BMP5: variants seen among roughly 807,000 people sequenced by gnomAD.
The protein encoded by BMP5 is bone morphogenetic protein 5.
In BMP5, 23 loss-of-function variants were observed where a neutral mutation model predicts 46.6. The observed-to-expected ratio is 0.49, with a 90% confidence interval of 0.35 to 0.70. The LOEUF (loss-of-function observed/expected upper bound fraction) is 0.70. Among genes scored for constraint, BMP5 ranks in the 30% least tolerant of loss-of-function variants. The pLI is 0.00. For synonymous variants in BMP5, 204 were observed against 191.9 expected, an observed-to-expected ratio of 1.06 and a Z score of -0.52; for missense variants, 545 against 565.6, an observed-to-expected ratio of 0.96 and a Z score of 0.37.
intron 3 of BMP5, among the ~76,000 whole-genome samples, chr6:55,779,520 T>C (rs1208302456): frequency 6.6e-6 from 1 of 152,032 alleles, no homozygotes; most frequent in African/African-American, 2.4e-5. Flanking sequence ...TAAATTATAC[T>C]AGAATTCTAC....
Position 55,819,812 on chromosome 6 carries a change from G to A in BMP5, c.526C>T (p.His176Tyr). 1 of 1,613,786 alleles carries A rather than the reference G, an allele frequency of 6.2e-7. No homozygotes were observed. Among genetic ancestry groups the A allele is most frequent in the Admixed American group, 1.7e-5 (1 of 59,922 alleles). Residue 176 changes from histidine (H) to tyrosine (Y), a missense_variant, in exon 2 of 7, where the codon CAT becomes TAT. Transcript: ENST00000370830. ...AGATCAAATCGAAATTCTTTGTAAT[G>A]CCTTCGCTGGTGAGAAAAATCCTTG... is the stretch of plus-strand genomic sequence containing the variant. ...RDKDFSHQRR[H>Y]YKEFRFDLTQ...
intron 2 of BMP5, among the ~76,000 whole-genome samples, chr6:55,816,049 A>AAAT (rs1394316609): frequency 1.3e-5 from 2 of 152,142 alleles, no homozygotes; most frequent in Non-Finnish European, 2.9e-5. Flanking sequence ...TACAATTAAT[A>AAAT]AATATATTCT....
intron 2 of BMP5, among the ~76,000 whole-genome samples, chr6:55,811,912 T>G (rs1341866105): frequency 6.6e-6 from 1 of 152,190 alleles, no homozygotes; most frequent in Non-Finnish European, 1.5e-5. Context: ...CACATTGTAT[T>G]ATAGTTATTA....
At chr6:55,811,308 C>G (rs962194790) in intron 2 of BMP5, among the ~76,000 whole-genome samples, 1 of 152,112 alleles carries the variant, frequency 6.6e-6, no homozygotes, top group Non-Finnish European at 1.5e-5. Flanking sequence ...ATCGAGCAGG[C>G]TAGCTTAAAA....
Position 55,816,333 on chromosome 6 carries a change from A to T in BMP5, c.683+3322T>A, listed in dbSNP as rs529349735. On this transcript the variant is annotated intron_variant, in intron 2 of 6. Coordinates refer to ENST00000370830, the MANE Select transcript of BMP5 (RefSeq NM_021073.4). ...TTAAAAAACTCATAATCCAAGTGTG[A>T]AAACAGACATAGAAAAAGATAACTA... Among the ~76,000 whole-genome samples, 6 of 152,194 alleles carry T rather than the reference A, an allele frequency of 3.9e-5. No individual in the cohort carries two copies. The East Asian group carries it at 1.2e-3, about 29-fold the overall frequency.
intron 4 of BMP5, among the ~76,000 whole-genome samples, chr6:55,765,781 A>G (rs942864472): frequency 2.6e-5 from 4 of 152,156 alleles, no homozygotes; most frequent in Non-Finnish European, 5.9e-5. Context: ...GTAGGTACCA[A>G]TGTGTGACGC....
intron 1 of BMP5, among the ~76,000 whole-genome samples, chr6:55,861,247 G>A (rs879533523): frequency 1.3e-5 from 2 of 152,164 alleles, no homozygotes; most frequent in Non-Finnish European, 2.9e-5. Context: ...CCAATCCCCA[G>A]TGGGGTCAGA....
chr6:55,805,638 G>A (rs1179251132), intron 2 of BMP5, among the ~76,000 whole-genome samples: 1 of 152,066 alleles, frequency 6.6e-6, no homozygotes, highest in South Asian at 2.1e-4. Flanking sequence ...TGAGGAATCG[G>A]CACATTGTCT....
chr6:55,835,646 T>C (rs1049473599), intron 1 of BMP5, among the ~76,000 whole-genome samples: 2 of 152,226 alleles, frequency 1.3e-5, no homozygotes, highest in African/African-American at 2.4e-5. Context: ...TACATGGTCC[T>C]ACTTTTCCTT....
At chr6:55,862,159 A>T (rs1233101645) in intron 1 of BMP5, among the ~76,000 whole-genome samples, 31 of 152,224 alleles carry the variant, frequency 2.0e-4, no homozygotes, top group Admixed American at 2.0e-3. Context: ...TGTTGATGTG[A>T]ATTGATAGGT....
intron 2 of BMP5, among the ~76,000 whole-genome samples, chr6:55,816,632 C>T (rs187574967): frequency 1.3e-5 from 2 of 152,248 alleles, no homozygotes; most frequent in African/African-American, 4.8e-5. Context: ...ATAGGTCTTT[C>T]TGCCTTCAAA....
At chr6:55,808,005 A>T (rs563407202) in intron 2 of BMP5, among the ~76,000 whole-genome samples, 1 of 152,272 alleles carries the variant, frequency 6.6e-6, no homozygotes, top group East Asian at 1.9e-4. Flanking sequence ...CTGTTCCTTG[A>T]TGGAGGAGGT....
intron 2 of BMP5, among the ~76,000 whole-genome samples, chr6:55,797,080 A>G (rs1183559827): frequency 6.6e-6 from 1 of 152,204 alleles, no homozygotes. Flanking sequence ...ACAACAGAAT[A>G]TGCTTGAGGA....
chr6:55,836,249 A>G (rs1049168287), intron 1 of BMP5, among the ~76,000 whole-genome samples: 1 of 152,196 alleles, frequency 6.6e-6, no homozygotes, highest in Admixed American at 6.5e-5. Flanking sequence ...ATAAAAATCA[A>G]TAACTACTGT....
intron 3 of BMP5, among the ~76,000 whole-genome samples, chr6:55,785,637 G>A (rs1281704150): frequency 1.3e-5 from 2 of 151,502 alleles, no homozygotes; most frequent in East Asian, 1.9e-4. Flanking sequence ...TACCATAAAT[G>A]TACAGGAATT....
At chr6:55,814,827 C>G (rs1275603511) in intron 2 of BMP5, among the ~76,000 whole-genome samples, 1 of 152,074 alleles carries the variant, frequency 6.6e-6, no homozygotes, top group Non-Finnish European at 1.5e-5. Context: ...ACCTGATCAA[C>G]AGTATATAAA....
chr6:55,843,504 T>C (rs1173025837), intron 1 of BMP5, among the ~76,000 whole-genome samples: 1 of 152,056 alleles, frequency 6.6e-6, no homozygotes, highest in African/African-American at 2.4e-5. Context: ...TCTGCTGTAA[T>C]GTAACACACT....
In BMP5 at chr6:55,874,455, G is replaced by T. The variant is rs1162310042; in HGVS notation, c.411C>A (p.Thr137=). Residue 137 remains threonine, a synonymous_variant, in exon 1 of 7, where the codon ACC becomes ACA. Transcript: ENST00000370830. ...GGAGGCTGGCTAGAGGAGGACTCTGGGTGGTCAGAGGAGTCGTCCGAGATA... is the reference window on the plus strand; with the variant it reads ...GGAGGCTGGCTAGAGGAGGACTCTGTGTGGTCAGAGGAGTCGTCCGAGATA... The part of the protein sequence containing the change: ...IQLSRTTPLT[T]QSPPLASLHD... The T allele has an allele frequency of 6.2e-7, 1 of 1,613,286 alleles. No homozygotes were observed. Among genetic ancestry groups the T allele is most frequent in the South Asian group, 1.1e-5 (1 of 91,062 alleles).
intron 1 of BMP5, among the ~76,000 whole-genome samples, chr6:55,833,415 C>G (rs114303830): frequency 4.5e-4 from 68 of 152,260 alleles, no homozygotes; most frequent in African/African-American, 1.4e-3. Context: ...GGTTTTAACA[C>G]ATAGTGAAAA....
Sources: gnomAD v4.1 joint callset for allele counts (sites outside exome capture counted in the v4.1 genomes callset) on GRCh38, gnomAD v4.1.1 for gene constraint, MANE v1.5 for transcripts, NCBI Gene and HGNC (gene_info 2026-07-23, HGNC 2026-07-21) for gene names.